The following ZNF837 variants were observed in gnomAD, a reference collection of about 807,000 sequenced individuals.
The protein encoded by ZNF837 is zinc finger protein 837.
For synonymous variants in ZNF837, 475 were observed against 365.2 expected (o/e 1.30, Z -3.43); for missense variants, 955 against 801.7 (o/e 1.19, Z -2.31).
intron 1 of ZNF837, among the ~76,000 whole-genome samples, chr19:58,371,889 T>C (rs978109153): frequency 6.7e-6 from 1 of 150,026 alleles, no homozygotes; most frequent in African/African-American, 2.5e-5. Context: ...GTCTGGCTAA[T>C]TTTTTGTATT....
Position 58,367,844 on chromosome 19 carries a change from G to C in ZNF837, c.1489C>G (p.His497Asp). 1.3e-6 allele frequency: 2 copies of C among 1,536,050 alleles called. No individual in the cohort carries two copies. Among genetic ancestry groups the C allele is most frequent in the Non-Finnish European group, 1.7e-6 (2 of 1,144,712 alleles). ...CACGCGTAGGGCCGCTCGCCCGTGTGCGTGCGCAGGTGGCGCACCAGGCTG... is the reference window on the plus strand; with the variant it reads ...CACGCGTAGGGCCGCTCGCCCGTGTCCGTGCGCAGGTGGCGCACCAGGCTG... ...NCSLVRHLRT[H>D]TGERPYACGD... Residue 497 changes from histidine (H) to aspartate (D), a missense_variant, in exon 3 of 3, where the codon CAC becomes GAC. Transcript: ENST00000597582.
At chr19:58,375,755 CT>C (rs75807213) in intron 1 of ZNF837, among the ~76,000 whole-genome samples, 252 of 141,006 alleles carry the variant, frequency 1.8e-3, no homozygotes, top group Middle Eastern at 7.1e-3. Context: ...TGATTTATAT[CT>C]TTTTTTTTTT....
At chr19:58,374,081 C>T (rs1391965453) in intron 1 of ZNF837, among the ~76,000 whole-genome samples, 1 of 152,182 alleles carries the variant, frequency 6.6e-6, no homozygotes, top group Non-Finnish European at 1.5e-5. Flanking sequence ...AGAACACACT[C>T]CCACCTGGCT....
At chr19:58,374,968 C>CAA (rs1555782390) in intron 1 of ZNF837, among the ~76,000 whole-genome samples, 11 of 148,394 alleles carry the variant, frequency 7.4e-5, no homozygotes, top group Non-Finnish European at 1.3e-4. Context: ...TACACACACA[C>CAA]AAAAACATGG....
In ZNF837 at chr19:58,369,295, A is replaced by T; in HGVS notation, c.38T>A (p.Leu13His). ...GGCACCCTGGGCATCGGCCTTGGGG[A>T]GTCCTCCCTGCCCAGCCTTCTGGGC... is the stretch of plus-strand genomic sequence containing the variant. ...APAQKAGQGG[L>H]PKADAQGASG... Residue 13 changes from leucine (L) to histidine (H), a missense_variant, in exon 3 of 3, where the codon CTC becomes CAC. By Grantham distance (99) the Leu-to-His change is moderately conservative. Transcript: ENST00000597582. The T allele has an allele frequency of 7.2e-7, 1 of 1,384,390 alleles. No homozygotes were observed. Among genetic ancestry groups the T allele is most frequent in the Non-Finnish European group, 9.3e-7 (1 of 1,074,520 alleles). 85.8% of individuals were successfully genotyped at this position (1,384,390 alleles called of 1,614,324 possible). A position where few individuals can be genotyped will look rare whatever the true frequency, so the allele number is the denominator to read the frequency against.
chr19:58,370,118 GAGACAGTGCA>G (rs1206245498), intron 1 of ZNF837, among the ~76,000 whole-genome samples, 190 bp from the exon 2 acceptor site: 1 of 152,218 alleles, frequency 6.6e-6, no homozygotes, highest in Non-Finnish European at 1.5e-5. Flanking sequence ...ATAGTGGCTT[GAGACAGTGCA>G]AACTTGTTAT....
intron 1 of ZNF837, among the ~76,000 whole-genome samples, chr19:58,376,425 G>T (rs2052246480): frequency 6.6e-6 from 1 of 151,054 alleles, no homozygotes; most frequent in African/African-American, 2.4e-5. Flanking sequence ...TGTGGTGGCA[G>T]GCGCCTGTAG....
Position 58,375,092 on chromosome 19 carries a change from A to T in ZNF837, c.-139-5164T>A, listed in dbSNP as rs8112556. On this transcript the variant is annotated intron_variant, in intron 1 of 2. Transcript: ENST00000597582. Reference sequence around the variant, plus strand: ...TGGCCAACATGGTGAAACCCTGTCTATACTAAAAATATGAAAATTAGCCAG... The same window carrying T: ...TGGCCAACATGGTGAAACCCTGTCTTTACTAAAAATATGAAAATTAGCCAG... Among the ~76,000 whole-genome samples, 20 of 148,076 alleles carry T rather than the reference A, an allele frequency of 1.4e-4. No homozygotes were observed. The East Asian group carries it at 3.8e-3, about 28-fold the overall frequency.
Position 58,369,356 on chromosome 19 carries a change from T to G in ZNF837, c.-24A>C. On this transcript the variant is annotated 5_prime_UTR_variant, in exon 3 of 3. Transcript: ENST00000597582. ...ATCCTGGGGCGCAGAGTTCTGGTTGTAGGATCTGGAAGAGCAGAGAAGAAA... is the reference window on the plus strand; with the variant it reads ...ATCCTGGGGCGCAGAGTTCTGGTTGGAGGATCTGGAAGAGCAGAGAAGAAA... 1 of 1,335,792 alleles carries G rather than the reference T, an allele frequency of 7.5e-7. No individual in the cohort carries two copies. The highest frequency in any genetic ancestry group is 9.5e-7 in the Non-Finnish European group (1 of 1,047,472). 82.7% of individuals were successfully genotyped at this position (1,335,792 alleles called of 1,614,324 possible). A position where few individuals can be genotyped will look rare whatever the true frequency, so the allele number is the denominator to read the frequency against.
chr19:58,369,524 C>T (rs2052181112), intron 2 of ZNF837, among the ~76,000 whole-genome samples, 163 bp from the exon 3 acceptor site: 2 of 152,064 alleles, frequency 1.3e-5, no homozygotes, highest in African/African-American at 2.4e-5. Context: ...CCCGTCCTGC[C>T]CCTCTTCAAA....
Position 58,368,656 on chromosome 19 carries a change from G to C in ZNF837, c.677C>G (p.Pro226Arg). Reference protein sequence around the residue: ...ERLQATEEPRPCARCGKRFRP... With the variant: ...ERLQATEEPRRCARCGKRFRP... Reference sequence around the variant, plus strand: ...GAAGCGCTTCCCGCACCGGGCACACGGACGGGGCTCCTCCGTCGCCTGCAG... The same window carrying C: ...GAAGCGCTTCCCGCACCGGGCACACCGACGGGGCTCCTCCGTCGCCTGCAG... Residue 226 changes from proline to arginine, a missense_variant, in exon 3 of 3, where the codon CCG (proline) becomes CGG (arginine). Physicochemically the swap from Pro to Arg is moderately radical, Grantham distance 103. Transcript: ENST00000597582. 1 of 1,529,442 alleles carries C rather than the reference G, an allele frequency of 6.5e-7. No individual in the cohort carries two copies. The highest frequency in any genetic ancestry group is 8.8e-7 in the Non-Finnish European group (1 of 1,142,600). The allele number at this position is 1,529,442 out of a possible 1,614,324, so 94.7% of individuals were successfully genotyped here.
intron 1 of ZNF837, among the ~76,000 whole-genome samples, chr19:58,378,933 C>G (rs2052269874): frequency 6.6e-6 from 1 of 152,198 alleles, no homozygotes; most frequent in Non-Finnish European, 1.5e-5. Context: ...GACCCCCACC[C>G]AGAGCCGTCA....
chr19:58,375,937 GAC>G (rs1400654887), intron 1 of ZNF837, among the ~76,000 whole-genome samples: 5 of 151,154 alleles, frequency 3.3e-5, no homozygotes, highest in African/African-American at 9.7e-5. Context: ...TTATTTTTTT[GAC>G]ACAGAGTCTC....
rs1158190736 is a variant in ZNF837 at position 58,368,465 on chromosome 19, G to A, written c.868C>T (p.Gln290Ter). The A allele has an allele frequency of 3.8e-6, 6 of 1,570,522 alleles. No homozygotes were observed. The highest frequency in any genetic ancestry group is 2.6e-6 in the Non-Finnish European group (3 of 1,159,908). Reference protein sequence around the residue: ...FTRTSSLLQHQRIHTGERPYE... With the variant: ...FTRTSSLLQH ...GGCCGCTCGCCCGTGTGGATGCGCTGGTGCTGCAGCAGGCTGGAGGTGCGC... is the reference window on the plus strand; with the variant it reads ...GGCCGCTCGCCCGTGTGGATGCGCTAGTGCTGCAGCAGGCTGGAGGTGCGC... The change falls in exon 3 of 3, where the codon CAG (glutamine) becomes TAG (stop). Residue 290 changes from glutamine to a stop codon, truncating the protein, a stop_gained. Transcript: ENST00000597582. LOFTEE classifies it low-confidence loss of function (END_TRUNC).
intron 1 of ZNF837, among the ~76,000 whole-genome samples, chr19:58,371,875 CCAT>C (rs1270108545): frequency 6.6e-6 from 1 of 151,070 alleles, no homozygotes; most frequent in African/African-American, 2.4e-5. Flanking sequence ...GTGCCTGCCA[CCAT>C]GTCTGGCTAA....
rs1360093267 is a variant in ZNF837 at position 58,369,155 on chromosome 19, G to T, written c.178C>A (p.Pro60Thr). 27 of 1,453,568 alleles carry T rather than the reference G, an allele frequency of 1.9e-5. No individual in the cohort carries two copies. The highest frequency in any genetic ancestry group is 5.9e-5 in the African/African-American group (4 of 68,064). 90.0% of individuals were successfully genotyped at this position (1,453,568 alleles called of 1,614,324 possible). A position where few individuals can be genotyped will look rare whatever the true frequency, so the allele number is the denominator to read the frequency against. The change falls in exon 3 of 3, where the codon CCC becomes ACC. Residue 60 changes from proline (P) to threonine (T), a missense_variant. By Grantham distance (38) the Pro-to-Thr change is conservative. Transcript: ENST00000597582. ...CAGCCCCGGGAGCCCCCGCCTGGGGGAGTCGTCCTACCGCCCGCCGCTCCA... is the reference window on the plus strand; with the variant it reads ...CAGCCCCGGGAGCCCCCGCCTGGGGTAGTCGTCCTACCGCCCGCCGCTCCA... ...LRGAAGGRTTPPGGGSRGCSL... is the reference protein window; with the variant it reads ...LRGAAGGRTTTPGGGSRGCSL...
At chr19:58,376,443 T>A (rs950675749) in intron 1 of ZNF837, among the ~76,000 whole-genome samples, 2 of 150,052 alleles carry the variant, frequency 1.3e-5, no homozygotes, top group African/African-American at 4.9e-5. Flanking sequence ...TAGTCCCAGC[T>A]ACTCCGGAGG....
chr19:58,368,605 C>T lies in ZNF837; in HGVS notation c.728G>A (p.Gly243Asp), dbSNP rs747102663. 6.5e-7 allele frequency: 1 copy of T among 1,533,894 alleles called. No homozygotes were observed. Among genetic ancestry groups the T allele is most frequent in the Non-Finnish European group, 8.7e-7 (1 of 1,144,562 alleles). Residue 243 changes from glycine to aspartate, a missense_variant, in exon 3 of 3, where the codon GGC becomes GAC. Gly to Asp is a moderately conservative substitution (Grantham distance 94, BLOSUM62 -1). Transcript: ENST00000597582. ...RFRPNQQQQAGKSPPVCPECG... is the reference protein window; with the variant it reads ...RFRPNQQQQADKSPPVCPECG... Reference sequence around the variant, plus strand: ...CTCAGGACACACTGGGGGACTCTTGCCCGCCTGCTGCTGCTGGTTGGGGCG... The same window carrying T: ...CTCAGGACACACTGGGGGACTCTTGTCCGCCTGCTGCTGCTGGTTGGGGCG...
rs1467727458 is a variant in ZNF837, at chr19:58,367,819, C to A, written c.1514G>T (p.Cys505Phe). The stretch of plus-strand genomic sequence containing the variant: ...GCTGAAGGCGCGGCCGCAATCTCCG[C>A]ACGCGTAGGGCCGCTCGCCCGTGTG... ...RTHTGERPYACGDCGRAFSQR... is the reference protein window; with the variant it reads ...RTHTGERPYAFGDCGRAFSQR... Residue 505 changes from cysteine (C) to phenylalanine (F), a missense_variant, in exon 3 of 3, where the codon TGC becomes TTC. Cys to Phe is a radical substitution (Grantham distance 205). Coordinates refer to ENST00000597582, the MANE Select transcript of ZNF837 (RefSeq NM_138466.2). The A allele has an allele frequency of 6.5e-7, 1 of 1,536,564 alleles. No homozygotes were observed. The highest frequency in any genetic ancestry group is 2.0e-5 in the Admixed American group (1 of 50,840).
Sources: gnomAD v4.1 joint callset for allele counts (sites outside exome capture counted in the v4.1 genomes callset) on GRCh38, gnomAD v4.1.1 for gene constraint, MANE v1.5 for transcripts, NCBI Gene and HGNC (gene_info 2026-07-23, HGNC 2026-07-21) for gene names.